Variants in DLG2 observed in about 807,000 individuals in gnomAD.
DLG2 encodes the protein disks large homolog 2.
A neutral mutation model predicts 132.5 loss-of-function variants in DLG2; 45 were observed. That is an observed-to-expected ratio of 0.34 (90% CI 0.27 to 0.44). The LOEUF (loss-of-function observed/expected upper bound fraction) is 0.44, where lower values mean the gene tolerates loss of function less well. Among genes scored for constraint, DLG2 ranks in the 20% least tolerant of loss-of-function variants. DLG2 has a pLI of 1.00. For missense variants in DLG2, 1,045 were observed against 1,196.9 expected (o/e 0.87, Z 1.87); for synonymous variants, 424 against 419.6 (o/e 1.01, Z -0.13).
At chr11:84,841,617 C>A (rs1479363470) in intron 6 of DLG2, among the ~76,000 whole-genome samples, 1 of 151,942 alleles carries the variant, frequency 6.6e-6, no homozygotes, top group East Asian at 1.9e-4. Context: ...ATTCTATGAA[C>A]AAATGAATCT....
chr11:85,012,833 A>G (rs1230723480), intron 6 of DLG2, among the ~76,000 whole-genome samples: 1 of 152,150 alleles, frequency 6.6e-6, no homozygotes, highest in African/African-American at 2.4e-5. Flanking sequence ...AGTATAAAAA[A>G]CTTGATTTGA....
intron 6 of DLG2, among the ~76,000 whole-genome samples, chr11:84,566,497 C>T (rs1241121463): frequency 6.6e-6 from 1 of 152,166 alleles, no homozygotes; most frequent in Non-Finnish European, 1.5e-5. Flanking sequence ...TACCTGGTGA[C>T]TTGCAACACA....
intron 4 of DLG2, among the ~76,000 whole-genome samples, chr11:85,267,059 G>C (rs1408201409): frequency 6.6e-6 from 1 of 152,178 alleles, no homozygotes; most frequent in Non-Finnish European, 1.5e-5. Context: ...CTGGATGCTT[G>C]TATCCCTTCA....
chr11:83,814,067 A>G (rs1202649235), intron 17 of DLG2, among the ~76,000 whole-genome samples: 1 of 152,166 alleles, frequency 6.6e-6, no homozygotes, highest in African/African-American at 2.4e-5. Context: ...GAGTATGTAA[A>G]TGAGTATAAT....
At chr11:85,605,953 G>T (rs1483674156) in intron 2 of DLG2, among the ~76,000 whole-genome samples, 1 of 152,120 alleles carries the variant, frequency 6.6e-6, no homozygotes, top group African/African-American at 2.4e-5. Flanking sequence ...ACTCCAGCAT[G>T]GGTGACAGAC....
rs1017380866 is a variant in DLG2 at position 83,787,239 on chromosome 11, G to A, written c.1723-447C>T. Among the ~76,000 whole-genome samples, 4 of 151,132 alleles carry A rather than the reference G, an allele frequency of 2.6e-5. No homozygotes were observed. The East Asian group carries it at 5.8e-4, about 22-fold the overall frequency. ...ACATGGTATAAAATGGGGCCAGATGGTTGCCAAATCCCTCTCTGTGGTCAA... is the reference window on the plus strand; with the variant it reads ...ACATGGTATAAAATGGGGCCAGATGATTGCCAAATCCCTCTCTGTGGTCAA... On this transcript the variant is annotated intron_variant, in intron 17 of 27. Transcript: ENST00000376104.
intron 14 of DLG2, among the ~76,000 whole-genome samples, chr11:83,934,080 G>A (rs917411085): frequency 6.6e-6 from 1 of 152,180 alleles, no homozygotes; most frequent in Non-Finnish European, 1.5e-5. Context: ...GGTTATGAGA[G>A]CTCATGCTAT....
intron 18 of DLG2, among the ~76,000 whole-genome samples, chr11:83,675,388 AT>A (rs2077511280): frequency 1.3e-5 from 2 of 152,306 alleles, no homozygotes; most frequent in East Asian, 3.9e-4. Flanking sequence ...GTCTTATCAT[AT>A]TTTTTAGTAT....
intron 6 of DLG2, among the ~76,000 whole-genome samples, chr11:84,801,045 T>A (rs1443678240): frequency 1.3e-5 from 2 of 152,130 alleles, no homozygotes; most frequent in Non-Finnish European, 2.9e-5. Context: ...ATGTGCAAGT[T>A]TGTCTTATCT....
intron 19 of DLG2, among the ~76,000 whole-genome samples, chr11:83,592,689 C>G (rs12224632): frequency 0.058 from 8,627 of 147,994 alleles, 305 homozygotes; most frequent in South Asian, 0.11. Context: ...AAGAAACTAC[C>G]ATCAGAGTGA....
At chr11:84,502,338 CTTTCTTTCTTTCTT>C (rs2099218567) in intron 7 of DLG2, among the ~76,000 whole-genome samples, 1 of 31,296 alleles carries the variant, frequency 3.2e-5, no homozygotes, top group Non-Finnish European at 5.7e-5. Context: ...TTCTTTCTTT[CTTTCTTTCTTTCTT>C]TCTTTCTTTC....
At chr11:83,819,446 G>T (rs1179791030) in intron 17 of DLG2, among the ~76,000 whole-genome samples, 1 of 120,996 alleles carries the variant, frequency 8.3e-6, no homozygotes, top group African/African-American at 3.3e-5. Flanking sequence ...CTCCAGCCTG[G>T]GAGACAGAGC....
chr11:83,831,879 A>C lies in DLG2; in HGVS notation c.1722+1735T>G, dbSNP rs192508015. Among the ~76,000 whole-genome samples, 946 of 152,256 alleles carry C rather than the reference A, an allele frequency of 6.2e-3. 2 individuals are homozygous for C. The highest frequency in any genetic ancestry group is 0.021 in the African/African-American group (891 of 41,536). ...ACATAGTAGAAGGAGACAGCCAATA[A>C]ATATTTGAATAAGTTAAAGGAAACA... On this transcript the variant is annotated intron_variant, in intron 17 of 27. Coordinates refer to ENST00000376104, the MANE Select transcript of DLG2 (RefSeq NM_001142699.3).
intron 21 of DLG2, among the ~76,000 whole-genome samples, chr11:83,530,819 G>T (rs899147302): frequency 6.6e-6 from 1 of 151,904 alleles, no homozygotes; most frequent in South Asian, 2.1e-4. Flanking sequence ...TGTATATCTT[G>T]TATATAGAAA....
intron 10 of DLG2, among the ~76,000 whole-genome samples, chr11:84,097,799 G>T (rs1184203327): frequency 6.6e-6 from 1 of 152,122 alleles, no homozygotes; most frequent in African/African-American, 2.4e-5. Context: ...TGCTAAAAGT[G>T]ACATTAGGGC....
intron 9 of DLG2, among the ~76,000 whole-genome samples, chr11:84,152,021 T>G (rs1368873345): frequency 6.6e-6 from 1 of 152,216 alleles, no homozygotes; most frequent in Non-Finnish European, 1.5e-5. Context: ...GTACTTTCTA[T>G]CAATGTTGGA....
chr11:85,017,500 T>A (rs956297456), intron 6 of DLG2, among the ~76,000 whole-genome samples: 2 of 152,180 alleles, frequency 1.3e-5, no homozygotes, highest in African/African-American at 2.4e-5. Flanking sequence ...TGACTCATCT[T>A]TAGGCACACT....
At chr11:84,127,127 G>T (rs1429543341) in intron 9 of DLG2, among the ~76,000 whole-genome samples, 3 of 152,064 alleles carry the variant, frequency 2.0e-5, no homozygotes, top group South Asian at 4.1e-4. Flanking sequence ...TTTATCAAAG[G>T]GCTATCTATA....
At chr11:84,538,040 C>T (rs1387913110) in intron 6 of DLG2, among the ~76,000 whole-genome samples, 1 of 152,172 alleles carries the variant, frequency 6.6e-6, no homozygotes, top group East Asian at 1.9e-4. Flanking sequence ...AGAATATGAA[C>T]TGAAAAGAAC....
Sources: allele counts gnomAD v4.1 joint callset (sites outside exome capture counted in the v4.1 genomes callset), GRCh38; gene constraint gnomAD v4.1.1; transcripts MANE v1.5; gene names NCBI Gene and HGNC (gene_info 2026-07-23, HGNC 2026-07-21).